CCNT1: variants seen among roughly 807,000 people sequenced by gnomAD.
CCNT1 encodes cyclin T1, also known as cyclin-T1.
In CCNT1, 18 loss-of-function variants were observed where a neutral mutation model predicts 67.3. The ratio of observed to expected loss-of-function variants is 0.27; its 90% confidence interval spans 0.18 to 0.40. The LOEUF (loss-of-function observed/expected upper bound fraction) is 0.40, where lower values mean the gene tolerates loss of function less well. CCNT1 is among the 10% of genes least tolerant of loss of function. CCNT1 has a pLI of 1.00. For missense variants in CCNT1, 744 were observed against 884.9 expected, an observed-to-expected ratio of 0.84 and a Z score of 2.02; for synonymous variants, 333 against 310.3, an observed-to-expected ratio of 1.07 and a Z score of -0.77.
chr12:48,701,277 G>A (rs923926899), intron 3 of CCNT1, among the ~76,000 whole-genome samples: 1 of 138,924 alleles, frequency 7.2e-6, no homozygotes, highest in African/African-American at 2.7e-5. Flanking sequence ...CCAGGCTGGA[G>A]TGCAGTGGTG....
At chr12:48,711,545 T>C (rs749968647) in intron 2 of CCNT1, among the ~76,000 whole-genome samples, 5 of 152,102 alleles carry the variant, frequency 3.3e-5, no homozygotes, top group Non-Finnish European at 7.4e-5. Flanking sequence ...AAGGGAAGAA[T>C]TATAGAAAAC....
intron 3 of CCNT1, among the ~76,000 whole-genome samples, chr12:48,704,442 T>C (rs754434584): frequency 6.6e-6 from 1 of 152,136 alleles, no homozygotes; most frequent in Non-Finnish European, 1.5e-5. Context: ...TGCTGCTCTT[T>C]ATGAGAATCT....
chr12:48,715,653 G>A (rs770878771), intron 1 of CCNT1, among the ~76,000 whole-genome samples: 1 of 151,684 alleles, frequency 6.6e-6, no homozygotes, highest in Non-Finnish European at 1.5e-5. Context: ...GTAGAGACAG[G>A]GGTTTAATCA....
intron 3 of CCNT1, 53 bp downstream of exon 3, chr12:48,705,715 A>G (rs753731150): frequency 6.6e-7 from 1 of 1,513,810 alleles, no homozygotes; most frequent in Admixed American, 2.0e-5. Context: ...GAGTAGGGAA[A>G]AAAAAAGAAA....
At chr12:48,705,968 G>C (rs1263738278) in intron 2 of CCNT1, 72 bp from the exon 3 acceptor site, 3 of 1,409,946 alleles carry the variant, frequency 2.1e-6, no homozygotes, top group Non-Finnish European at 2.9e-6. Flanking sequence ...ATCTAAAGAG[G>C]AGCTAAGTCT....
At chr12:48,702,817 A>G (rs1940292956) in intron 3 of CCNT1, among the ~76,000 whole-genome samples, 1 of 151,998 alleles carries the variant, frequency 6.6e-6, no homozygotes, top group Admixed American at 6.6e-5. Context: ...ACTCCATCTC[A>G]AAAAAAGAAA....
Position 48,690,946 on chromosome 12 carries a change from A to G in CCNT1, c.*2087T>C, listed in dbSNP as rs1452021468. On this transcript the variant is annotated 3_prime_UTR_variant, in exon 9 of 9. Transcript: ENST00000261900. Reference sequence around the variant, plus strand: ...TTCCCTTTTGGAAACAGACTCCAACAAACAAAATCTAAATAAATAGAAGCC... The same window carrying G: ...TTCCCTTTTGGAAACAGACTCCAACGAACAAAATCTAAATAAATAGAAGCC... 6.6e-6 allele frequency: 1 copy of G among 152,236 alleles called. No homozygotes were observed. Among genetic ancestry groups the G allele is most frequent in the Non-Finnish European group, 1.5e-5 (1 of 68,044 alleles). The allele number at this position is 152,236 out of a possible 1,614,324, so 9.4% of individuals were successfully genotyped here.
At chr12:48,705,952 A>C in intron 2 of CCNT1, 56 bp from the exon 3 acceptor site, 1 of 1,525,806 alleles carries the variant, frequency 6.6e-7, no homozygotes, top group African/African-American at 1.4e-5. Context: ...TCATAGAGTA[A>C]GGTAGATCTA....
Position 48,693,461 on chromosome 12 carries a change from A to C in CCNT1, c.1753T>G (p.Phe585Val), listed in dbSNP as rs1940113540. The C allele has an allele frequency of 6.2e-7, 1 of 1,614,124 alleles. No homozygotes were observed. Among genetic ancestry groups the C allele is most frequent in the Non-Finnish European group, 8.5e-7 (1 of 1,180,052 alleles). ...GPSEETGGAVFDHPAKIAKST... is the reference protein window; with the variant it reads ...GPSEETGGAVVDHPAKIAKST... Reference sequence around the variant, plus strand: ...TTGGCAATCTTGGCTGGATGATCAAACACAGCCCCTCCAGTCTCTTCAGAG... The same window carrying C: ...TTGGCAATCTTGGCTGGATGATCAACCACAGCCCCTCCAGTCTCTTCAGAG... The change falls in exon 9 of 9, where the codon TTT becomes GTT. Residue 585 changes from phenylalanine (F) to valine (V), a missense_variant. Coordinates refer to ENST00000261900, the MANE Select transcript of CCNT1 (RefSeq NM_001240.4).
At position 48,694,239 on chromosome 12, in the gene CCNT1, A is replaced by C; in HGVS notation, c.975T>G (p.Ser325Arg). The C allele has an allele frequency of 6.2e-7, 1 of 1,614,202 alleles. No individual in the cohort carries two copies. The highest frequency in any genetic ancestry group is 2.2e-5 in the East Asian group (1 of 44,880). ...VSEESSSNLT[S>R]VEMLPGKRWL... is the part of the protein sequence containing the mutation. Reference sequence around the variant, plus strand: ...AACGCTTGCCCGGCAACATCTCCACACTGGTTAAGTTGCTGGATGACTCTT... The same window carrying C: ...AACGCTTGCCCGGCAACATCTCCACCCTGGTTAAGTTGCTGGATGACTCTT... Residue 325 changes from serine to arginine, a missense_variant, in exon 9 of 9, where the codon AGT (serine) becomes AGG (arginine). By Grantham distance (110) the Ser-to-Arg change is moderately radical (BLOSUM62 -1). Around this residue, in one of 3 missense-constraint regions of CCNT1, gnomAD observed 564 missense variants for 574.2 expected, o/e 0.98. Coordinates refer to ENST00000261900, the MANE Select transcript of CCNT1 (RefSeq NM_001240.4).
Position 48,696,117 on chromosome 12 carries a change from C to T in CCNT1, c.588G>A (p.Val196=). 6.2e-7 allele frequency: 1 copy of T among 1,613,760 alleles called. No homozygotes were observed. Among genetic ancestry groups the T allele is most frequent in the Non-Finnish European group, 8.5e-7 (1 of 1,179,850 alleles). Residue 196 remains valine, a synonymous_variant, in exon 7 of 9, where the codon GTG becomes GTA. Transcript: ENST00000261900. ...TFSLQYTPPV[V]ACVCIHLACK... ...AAGCCAGGTGAATGCAGACACAGGC[C>T]ACCACAGGAGGTGTGTACTGCAGGC...
intron 3 of CCNT1, among the ~76,000 whole-genome samples, chr12:48,704,150 T>C (rs1001723415): frequency 6.6e-6 from 1 of 152,100 alleles, no homozygotes; most frequent in Non-Finnish European, 1.5e-5. Context: ...CATGCACACA[T>C]AGCTATCTAT....
chr12:48,704,864 A>G (rs1940331103), intron 3 of CCNT1, among the ~76,000 whole-genome samples: 1 of 152,164 alleles, frequency 6.6e-6, no homozygotes, highest in Admixed American at 6.6e-5. Flanking sequence ...TGAGTTACGT[A>G]ATTATTTCAT....
intron 3 of CCNT1, among the ~76,000 whole-genome samples, chr12:48,704,228 G>A (rs967995933): frequency 1.3e-5 from 2 of 152,142 alleles, no homozygotes; most frequent in Admixed American, 6.6e-5. Flanking sequence ...TATAACAGGG[G>A]GTCCATGGCC....
intron 5 of CCNT1, among the ~76,000 whole-genome samples, chr12:48,698,685 C>T (rs1048894623): frequency 1.3e-5 from 2 of 152,144 alleles, no homozygotes; most frequent in South Asian, 4.1e-4. Context: ...AGGCTGGGCA[C>T]GGTGGCTCAC....
intron 8 of CCNT1, among the ~76,000 whole-genome samples, chr12:48,695,440 G>A (rs1940152793): frequency 6.6e-6 from 1 of 151,994 alleles, no homozygotes; most frequent in South Asian, 2.1e-4. Flanking sequence ...TCTCTATCTT[G>A]CCTCTACCAG....
chr12:48,693,012 TCTC>T lies in CCNT1; in HGVS notation c.*18_*20del. The T allele has an allele frequency of 6.8e-7, 1 of 1,470,512 alleles. No individual in the cohort carries two copies. The highest frequency in any genetic ancestry group is 9.1e-7 in the Non-Finnish European group (1 of 1,094,294). The allele number at this position is 1,470,512 out of a possible 1,614,324, so 91.1% of individuals were successfully genotyped here. Reference sequence around the variant, plus strand: ...ATGTGTTTTTTTAAAGAAGTTTTTTTCTCCTCTTCTTTTTCTTTTTTTACTTAG... The same window carrying T: ...ATGTGTTTTTTTAAAGAAGTTTTTTTCTCTTCTTTTTCTTTTTTTACTTAG... On this transcript the variant is annotated 3_prime_UTR_variant, in exon 9 of 9. Coordinates refer to ENST00000261900, the MANE Select transcript of CCNT1 (RefSeq NM_001240.4).
rs1024555512 is a variant in CCNT1 at position 48,689,055 on chromosome 12, G to A, written c.*3978C>T. The A allele has an allele frequency of 6.6e-6, 1 of 152,146 alleles. No homozygotes were observed. Among genetic ancestry groups the A allele is most frequent in the East Asian group, 1.9e-4 (1 of 5,192 alleles). The allele number at this position is 152,146 out of a possible 1,614,324, so 9.4% of individuals were successfully genotyped here. A position where few individuals can be genotyped will look rare whatever the true frequency, so the allele number is the denominator to read the frequency against. ...GAAGAGTTCCTGATTACCTGATGAA[G>A]GACATACTTGCTCTGGCTTCAATTA... On this transcript the variant is annotated 3_prime_UTR_variant, in exon 9 of 9. Transcript: ENST00000261900.
intron 8 of CCNT1, 134 bp from the exon 9 acceptor site, chr12:48,694,570 A>G (rs1940140387): frequency 1.5e-6 from 1 of 676,592 alleles, no homozygotes; most frequent in East Asian, 2.6e-5. Context: ...CCTAACATGT[A>G]ATCCAATAAA....
Sources: allele counts gnomAD v4.1 joint callset (sites outside exome capture counted in the v4.1 genomes callset), GRCh38; gene constraint gnomAD v4.1.1; regional missense constraint gnomAD v4.1.1; transcripts MANE v1.5; gene names NCBI Gene and HGNC (gene_info 2026-07-23, HGNC 2026-07-21).